The following ZNF519 variants were observed in gnomAD, a reference collection of about 807,000 sequenced individuals.
ZNF519 encodes zinc finger protein 519.
Under a neutral mutation model 7.4 loss-of-function variants are expected in ZNF519, and 7 were observed. The ratio of observed to expected loss-of-function variants is 0.94; its 90% CI spans 0.54 to 1.77. The LOEUF is 1.77. ZNF519 is among the 40% of genes most tolerant of loss of function. ZNF519 has a pLI of 0.00. For synonymous variants in ZNF519, 179 were observed against 203.3 expected, an observed-to-expected ratio of 0.88 and a Z score of 1.02; for missense variants, 586 against 623.1, an observed-to-expected ratio of 0.94 and a Z score of 0.63.
At chr18:14,127,801 G>A (rs1453370620) in intron 1 of ZNF519, among the ~76,000 whole-genome samples, 1 of 152,072 alleles carries the variant, frequency 6.6e-6, no homozygotes, top group Non-Finnish European at 1.5e-5. Context: ...AGAAGGGACT[G>A]TAGATTCCAA....
chr18:14,085,498 C>G (rs995328091), intron 2 of ZNF519, among the ~76,000 whole-genome samples: 8 of 151,994 alleles, frequency 5.3e-5, no homozygotes, highest in Non-Finnish European at 1.2e-4. Context: ...TCATCTCCCC[C>G]ACAAAAACAT....
At chr18:14,128,690 A>AACACACACACAC (rs71366097) in intron 1 of ZNF519, among the ~76,000 whole-genome samples, 6,865 of 126,120 alleles carry the variant, frequency 0.054, 185 homozygotes, top group East Asian at 0.11. Flanking sequence ...TTCTGAGTCA[A>AACACACACACAC]ACACACACAC....
At chr18:14,128,464 A>G (rs1184058890) in intron 1 of ZNF519, among the ~76,000 whole-genome samples, 1 of 152,174 alleles carries the variant, frequency 6.6e-6, no homozygotes, top group Non-Finnish European at 1.5e-5. Flanking sequence ...TACACAGCTT[A>G]TTATAATTTG....
At chr18:14,119,957 T>C (rs192693549) in intron 2 of ZNF519, among the ~76,000 whole-genome samples, 3,264 of 151,836 alleles carry the variant, frequency 0.021, 123 homozygotes, top group African/African-American at 0.075. Flanking sequence ...ACATATTCCA[T>C]TGGATAATTA....
At chr18:14,092,663 C>T (rs1011070734) in intron 2 of ZNF519, among the ~76,000 whole-genome samples, 1 of 152,090 alleles carries the variant, frequency 6.6e-6, no homozygotes, top group South Asian at 2.1e-4. Flanking sequence ...GCGCAGAATC[C>T]CCATAAATCA....
Position 14,106,036 on chromosome 18 carries a change from AAT to A in ZNF519, c.502_503del (p.Ile168Ter). ...GAAAATGAGTACTATGATGTTTACT[AAT>A]ATTTGAGTCATGGTTAAAATTTATC... ...NQINFNHDSN[I>X]SKHHSTHFLE... On this transcript the variant is annotated frameshift_variant, in exon 3 of 3. Transcript: ENST00000590202. LOFTEE classifies it low-confidence loss of function (END_TRUNC). 1 of 1,583,070 alleles carries A rather than the reference AAT, an allele frequency of 6.3e-7. No homozygotes were observed.
intron 2 of ZNF519, among the ~76,000 whole-genome samples, chr18:14,116,532 A>G (rs1185694439): frequency 6.6e-6 from 1 of 152,236 alleles, no homozygotes; most frequent in South Asian, 2.1e-4. Context: ...ATGATCTTCA[A>G]CAAGGTTACT....
rs1482896238 is a variant in ZNF519, at chr18:14,086,051, GC to G, written c.131-976del. On this transcript the variant is annotated intron_variant and NMD_transcript_variant, in intron 2 of 4. Transcript: ENST00000587419. Reference sequence around the variant, plus strand: ...CATGAGTCTTGGTGGCCAAGGGACTGCCCTCACCATCCCTCTCTAAACCCTG... The same window carrying G: ...CATGAGTCTTGGTGGCCAAGGGACTGCCTCACCATCCCTCTCTAAACCCTG... 2.0e-5 allele frequency among the ~76,000 whole-genome samples: 3 copies of G among 152,326 alleles called. No homozygotes were observed. The East Asian group carries it at 5.8e-4, about 29-fold the overall frequency.
intron 3 of ZNF519, among the ~76,000 whole-genome samples, chr18:14,078,699 A>T (rs2046058080): frequency 1.3e-5 from 2 of 152,126 alleles, no homozygotes; most frequent in African/African-American, 4.8e-5. Context: ...AACATTAAAC[A>T]TTATATTATT....
At chr18:14,106,772 T>C (rs777920481) in intron 2 of ZNF519, among the ~76,000 whole-genome samples, 1 of 152,078 alleles carries the variant, frequency 6.6e-6, no homozygotes, top group African/African-American at 2.4e-5. Context: ...TCACATACTA[T>C]GTAGATAGAA....
chr18:14,090,243 G>A (rs903932545), intron 2 of ZNF519: 5 of 152,140 alleles, frequency 3.3e-5, no homozygotes, highest in Non-Finnish European at 5.9e-5. Context: ...ACTGACAAAC[G>A]GCACTTGTGT....
downstream of ZNF519, chr18:14,074,572 G>C (rs2046040537): frequency 6.5e-6 from 1 of 152,792 alleles, no homozygotes; most frequent in Non-Finnish European, 1.5e-5. Context: ...CAAGTTCAAA[G>C]TTCCACAAAT....
In ZNF519 at chr18:14,102,110, A is replaced by ATCAT. The variant is rs1026128594; in HGVS notation, c.*2803_*2806dup. ...TTTCAAACTATTTTAATTCCATCCT[A>ATCAT]TCATTCATTCATTCATTTATTTATT... is the stretch of plus-strand genomic sequence containing the variant. On this transcript the variant is annotated 3_prime_UTR_variant, in exon 3 of 3. Transcript: ENST00000590202. 4.1e-5 allele frequency: 7 copies of ATCAT among 168,722 alleles called. No individual in the cohort carries two copies. Among genetic ancestry groups the ATCAT allele is most frequent in the East Asian group, 1.6e-4 (1 of 6,446 alleles). The allele number at this position is 168,722 out of a possible 1,614,324, so 10.5% of individuals were successfully genotyped here. A position where few individuals can be genotyped will look rare whatever the true frequency, so the allele number is the denominator to read the frequency against.
Position 14,101,370 on chromosome 18 carries a change from T to C in ZNF519, c.*3547A>G, listed in dbSNP as rs2046160002. On this transcript the variant is annotated 3_prime_UTR_variant, in exon 3 of 3. Transcript: ENST00000590202. ...GATAAAGGGGGGCCAATTAAAACAA[T>C]GAGCCCTAGCAAATGCAAAAACACT... 7 of 240,010 alleles carry C rather than the reference T, an allele frequency of 2.9e-5. No individual in the cohort carries two copies. Among genetic ancestry groups the C allele is most frequent in the Non-Finnish European group, 7.9e-6 (1 of 125,946 alleles). The allele number at this position is 240,010 out of a possible 1,614,324, so 14.9% of individuals were successfully genotyped here. A position where few individuals can be genotyped will look rare whatever the true frequency, so the allele number is the denominator to read the frequency against.
At chr18:14,086,724 A>G (rs1248513970) in intron 2 of ZNF519, among the ~76,000 whole-genome samples, 1 of 152,212 alleles carries the variant, frequency 6.6e-6, no homozygotes, top group South Asian at 2.1e-4. Context: ...TAGTCCTTCC[A>G]GGCCAGAACG....
At chr18:14,097,378 G>A (rs1204568370), downstream of ZNF519, among the ~76,000 whole-genome samples, 4 of 152,178 alleles carry the variant, frequency 2.6e-5, no homozygotes, top group Non-Finnish European at 5.9e-5. Flanking sequence ...GTCTCAGGTG[G>A]AGGTGGCCCC....
At chr18:14,115,701 T>A (rs528684245) in intron 2 of ZNF519, among the ~76,000 whole-genome samples, 1 of 152,294 alleles carries the variant, frequency 6.6e-6, no homozygotes, top group African/African-American at 2.4e-5. Context: ...CAATTTCAAA[T>A]ATACAAATAA....
chr18:14,105,154 A>T lies in ZNF519; in HGVS notation c.1386T>A (p.Cys462Ter). 1 of 1,613,348 alleles carries T rather than the reference A, an allele frequency of 6.2e-7. No individual in the cohort carries two copies. The highest frequency in any genetic ancestry group is 8.5e-7 in the Non-Finnish European group (1 of 1,179,432). ...RIHTGEKSFK[C>*]EECGKAFIWG... ...AGATAAAAGCTTTGCCACATTCTTC[A>T]CATTTGAAAGACTTCTCTCCAGTAT... is the stretch of plus-strand genomic sequence containing the variant. The change falls in exon 3 of 3, where the codon TGT (cysteine) becomes TGA (stop). Residue 462 changes from cysteine to a stop codon, truncating the protein, a stop_gained. Coordinates refer to ENST00000590202, the MANE Select transcript of ZNF519 (RefSeq NM_145287.4). LOFTEE classifies it low-confidence loss of function (END_TRUNC).
At chr18:14,077,200 C>A (rs1303599200) in exon 5 of ZNF519, 5 of 152,160 alleles carry the variant, frequency 3.3e-5, no homozygotes, top group Non-Finnish European at 5.9e-5. Context: ...TGGTTTGTGA[C>A]CTTGCCCTCC....
Sources: allele counts gnomAD v4.1 joint callset (sites outside exome capture counted in the v4.1 genomes callset), GRCh38; gene constraint gnomAD v4.1.1; transcripts MANE v1.5; gene names NCBI Gene and HGNC (gene_info 2026-07-23, HGNC 2026-07-21).